The following INPP5J variants were observed in gnomAD, a reference collection of about 807,000 sequenced individuals.
INPP5J encodes the protein phosphatidylinositol 4,5-bisphosphate 5-phosphatase A.
A neutral mutation model predicts 86.6 loss-of-function variants in INPP5J; 75 were observed. The ratio of observed to expected loss-of-function variants is 0.87; its 90% CI spans 0.72 to 1.05. The LOEUF (loss-of-function observed/expected upper bound fraction) is 1.05. INPP5J is among the 50% of genes least tolerant of loss of function. INPP5J has a pLI of 0.00. For synonymous variants in INPP5J, 540 were observed against 550.0 expected (o/e 0.98, Z 0.25); for missense variants, 1,229 against 1,341.2 (o/e 0.92, Z 1.31).
At position 31,133,605 on chromosome 22, in the gene INPP5J, A is replaced by C. The variant is rs1328974736; in HGVS notation, c.2410-5A>C. On this transcript the variant is annotated splice_polypyrimidine_tract_variant and splice_region_variant and intron_variant, in intron 11 of 12. Coordinates refer to ENST00000331075, the MANE Select transcript of INPP5J (RefSeq NM_001284285.2). ...AACTTAGGCTTATACCCCTGGGCCT[A>C]CCAGGTAACATTCAGTGAGGAATCA... The C allele has an allele frequency of 6.2e-7, 1 of 1,608,322 alleles. No homozygotes were observed. Among genetic ancestry groups the C allele is most frequent in the Admixed American group, 1.7e-5 (1 of 59,446 alleles).
At chr22:31,126,143 C>G in intron 2 of INPP5J, 133 bp downstream of exon 2, 1 of 965,610 alleles carries the variant, frequency 1.0e-6, no homozygotes, top group Non-Finnish European at 1.5e-6. Flanking sequence ...GTTGCTGGGC[C>G]CACTCTGTGA....
Position 31,127,494 on chromosome 22 carries a change from G to A in INPP5J, c.1749G>A (p.Gln583=), listed in dbSNP as rs551826181. 159 of 1,613,880 alleles carry A rather than the reference G, an allele frequency of 9.9e-5. No individual in the cohort carries two copies. The highest frequency in any genetic ancestry group is 1.9e-4 in the South Asian group (17 of 91,056). ...TCCAGACCATCCTCAGCCTCCAGCA[G>A]TTCCAAGGGCCGGGCGCACAGGGCA... is the stretch of plus-strand genomic sequence containing the variant. ...DNFQTILSLQ[Q]FQGPGAQGIL... The change falls in exon 6 of 13, where the codon CAG becomes CAA. Residue 583 remains glutamine, a synonymous_variant. Coordinates refer to ENST00000331075, the MANE Select transcript of INPP5J (RefSeq NM_001284285.2).
At chr22:31,126,521 G>A in intron 3 of INPP5J, 32 bp downstream of exon 3, 2 of 1,607,000 alleles carry the variant, frequency 1.2e-6, no homozygotes, top group Non-Finnish European at 1.7e-6. Flanking sequence ...ACCCCCTCCT[G>A]AGCCCCTCGG....
chr22:31,134,005 TGCACCCAAGTCCC>T lies in INPP5J; in HGVS notation c.2611_2623del (p.Pro871AlafsTer92). On this transcript the variant is annotated frameshift_variant, in exon 13 of 13. Coordinates refer to ENST00000331075, the MANE Select transcript of INPP5J (RefSeq NM_001284285.2). LOFTEE classifies it high-confidence loss of function. ...AGGATGACAGCACACTGGAGCTCCT[TGCACCCAAGTCCC>T]GCAGCCCCAGTCCTGGCAAGTCCAA... 1 of 1,611,630 alleles carries T rather than the reference TGCACCCAAGTCCC, an allele frequency of 6.2e-7. No homozygotes were observed. Among genetic ancestry groups the T allele is most frequent in the Non-Finnish European group, 8.5e-7 (1 of 1,179,346 alleles).
In INPP5J at chr22:31,134,212, A is replaced by T; in HGVS notation, c.2814A>T (p.Glu938Asp). Residue 938 changes from glutamate to aspartate, a missense_variant, in exon 13 of 13, where the codon GAA (glutamate) becomes GAT (aspartate). Glu to Asp is a conservative substitution (Grantham distance 45). Transcript: ENST00000331075. ...ATGGCAGCAGCCGGGGCAGTAGTGA[A>T]GAGGGGCCCTCTGGGTTGCCTGGCC... ...SSNGSSRGSS[E>D]EGPSGLPGPW... 4 of 1,550,130 alleles carry T rather than the reference A, an allele frequency of 2.6e-6. No homozygotes were observed. The highest frequency in any genetic ancestry group is 3.5e-6 in the Non-Finnish European group (4 of 1,146,760).
At chr22:31,124,302 T>G in intron 1 of INPP5J, 3 of 987,574 alleles carry the variant, frequency 3.0e-6, no homozygotes, top group Non-Finnish European at 3.6e-6. Flanking sequence ...GGGATTTGGA[T>G]GTTTAGGGGG....
chr22:31,125,285 C>A lies in INPP5J; in HGVS notation c.546C>A (p.Ala182=). Residue 182 remains alanine (A), a synonymous_variant, in exon 2 of 13, where the codon GCC becomes GCA. Coordinates refer to ENST00000331075, the MANE Select transcript of INPP5J (RefSeq NM_001284285.2). ...TGGGACCCAAGCCAACACTGGCAGC[C>A]TCTGGCCTGAGCCTGGCCCTGGCTT... ...ASVGPKPTLA[A]SGLSLALASE... The A allele has an allele frequency of 6.4e-7, 1 of 1,550,580 alleles. No individual in the cohort carries two copies. Among genetic ancestry groups the A allele is most frequent in the East Asian group, 2.4e-5 (1 of 40,910 alleles).
intron 4 of INPP5J, 92 bp from the exon 5 acceptor site, chr22:31,126,827 CGT>C: frequency 7.1e-7 from 1 of 1,412,896 alleles, no homozygotes; most frequent in Non-Finnish European, 1.0e-6. Flanking sequence ...TGGCTGGGTC[CGT>C]GACATGGGTG....
At chr22:31,129,475 G>T (rs996631983) in intron 9 of INPP5J, among the ~76,000 whole-genome samples, 2 of 144,894 alleles carry the variant, frequency 1.4e-5, no homozygotes, top group African/African-American at 5.1e-5. Context: ...GCTGACCTCA[G>T]GTGATCCACC....
Position 31,134,386 on chromosome 22 carries a change from T to G in INPP5J, c.2988T>G (p.His996Gln), listed in dbSNP as rs1922404243. 2 of 1,478,820 alleles carry G rather than the reference T, an allele frequency of 1.4e-6. No homozygotes were observed. The highest frequency in any genetic ancestry group is 1.8e-6 in the Non-Finnish European group (2 of 1,113,068). The allele number at this position is 1,478,820 out of a possible 1,614,324, so 91.6% of individuals were successfully genotyped here. ...GCCTGTCTCCTAGTCCCCAGGGCCA[T>G]CGGGGGCTGGAGGAAGGGGGCCTGG... is the stretch of plus-strand genomic sequence containing the variant. ...PNSLSPSPQGHRGLEEGGLGP is the reference protein window; with the variant it reads ...PNSLSPSPQGQRGLEEGGLGP Residue 996 changes from histidine to glutamine, a missense_variant, in exon 13 of 13, where the codon CAT becomes CAG. By Grantham distance (24) the His-to-Gln change is conservative. Transcript: ENST00000331075.
chr22:31,133,631 C>G lies in INPP5J; in HGVS notation c.2431C>G (p.Leu811Val), dbSNP rs1922296107. 2 of 1,612,250 alleles carry G rather than the reference C, an allele frequency of 1.2e-6. No homozygotes were observed. Among genetic ancestry groups the G allele is most frequent in the African/African-American group, 2.7e-5 (2 of 74,898 alleles). Reference sequence around the variant, plus strand: ...CCAGGTAACATTCAGTGAGGAATCACTGCCCAAGGGCCATGGAGACTTCAT... The same window carrying G: ...CCAGGTAACATTCAGTGAGGAATCAGTGCCCAAGGGCCATGGAGACTTCAT... ...TYQVTFSEESLPKGHGDFILG... is the reference protein window; with the variant it reads ...TYQVTFSEESVPKGHGDFILG... Residue 811 changes from leucine to valine, a missense_variant, in exon 12 of 13, where the codon CTG (leucine) becomes GTG (valine). Transcript: ENST00000331075.
intron 9 of INPP5J, among the ~76,000 whole-genome samples, chr22:31,130,012 G>A (rs544585780): frequency 7.2e-4 from 110 of 151,792 alleles, no homozygotes; most frequent in African/African-American, 2.1e-3. Flanking sequence ...GTTTAAGACC[G>A]GCCTGAGCAA....
At chr22:31,122,855 G>C (rs905517995), upstream of INPP5J, 1 of 514,900 alleles carries the variant, frequency 1.9e-6, no homozygotes, top group African/African-American at 2.0e-5. Flanking sequence ...AGGATTCCCA[G>C]GGGGTAGCCA....
chr22:31,134,292 G>T lies in INPP5J; in HGVS notation c.2894G>T (p.Arg965Leu). ...PRSLGLLPAL[R>L]LETVDPGGGG... ...AGCCTGGGCCTGTTGCCCGCCTTGC[G>T]CCTAGAGACTGTAGACCCTGGTGGT... is the stretch of plus-strand genomic sequence containing the variant. Residue 965 changes from arginine to leucine, a missense_variant, in exon 13 of 13, where the codon CGC (arginine) becomes CTC (leucine). Physicochemically the swap from Arg to Leu is moderately radical, Grantham distance 102 (BLOSUM62 -2). Coordinates refer to ENST00000331075, the MANE Select transcript of INPP5J (RefSeq NM_001284285.2). 1 of 1,555,120 alleles carries T rather than the reference G, an allele frequency of 6.4e-7. No homozygotes were observed. The highest frequency in any genetic ancestry group is 2.4e-5 in the East Asian group (1 of 41,294).
Position 31,122,971 on chromosome 22 carries a change from TGGAGCC to T in INPP5J, c.-37_-32del, listed in dbSNP as rs1338131380. 2.3e-6 allele frequency: 3 copies of T among 1,293,990 alleles called. No individual in the cohort carries two copies. Among genetic ancestry groups the T allele is most frequent in the East Asian group, 3.1e-5 (1 of 31,884 alleles). 80.2% of individuals were successfully genotyped at this position (1,293,990 alleles called of 1,614,324 possible). The stretch of plus-strand genomic sequence containing the variant: ...CACTGGTTCCCGGGAGCGGTAGAGC[TGGAGCC>T]GGAGCCAAGGGAGTCCAGGCTGCCG... On this transcript the variant is annotated 5_prime_UTR_variant, in exon 1 of 13. Coordinates refer to ENST00000331075, the MANE Select transcript of INPP5J (RefSeq NM_001284285.2).
Position 31,123,006 on chromosome 22 carries a change from G to T in INPP5J, c.-9G>T. The T allele has an allele frequency of 1.4e-6, 2 of 1,436,460 alleles. No homozygotes were observed. Among genetic ancestry groups the T allele is most frequent in the East Asian group, 3.0e-5 (1 of 33,284 alleles). The allele number at this position is 1,436,460 out of a possible 1,614,324, so 89.0% of individuals were successfully genotyped here. A position where few individuals can be genotyped will look rare whatever the true frequency, so the allele number is the denominator to read the frequency against. On this transcript the variant is annotated 5_prime_UTR_variant, in exon 1 of 13. Transcript: ENST00000331075. ...GCCAAGGGAGTCCAGGCTGCCGGGG[G>T]CTGCAGACATGGAGGGCCAGAGCAG...
At position 31,123,043 on chromosome 22, in the gene INPP5J, G is replaced by T; in HGVS notation, c.29G>T (p.Arg10Met). MEGQSSRGS[R>M]RPGTRAGLGS... ...GAGGGCCAGAGCAGCAGGGGCAGCAGGAGGCCAGGGACCCGGGCTGGCCTG... is the reference window on the plus strand; with the variant it reads ...GAGGGCCAGAGCAGCAGGGGCAGCATGAGGCCAGGGACCCGGGCTGGCCTG... Residue 10 changes from arginine (R) to methionine (M), a missense_variant, in exon 1 of 13, where the codon AGG becomes ATG. By Grantham distance (91) the Arg-to-Met change is moderately conservative. Transcript: ENST00000331075. 2 of 1,475,440 alleles carry T rather than the reference G, an allele frequency of 1.4e-6. No homozygotes were observed. Among genetic ancestry groups the T allele is most frequent in the East Asian group, 2.9e-5 (1 of 34,402 alleles). The allele number at this position is 1,475,440 out of a possible 1,614,324, so 91.4% of individuals were successfully genotyped here.
intron 5 of INPP5J, 78 bp from the exon 6 acceptor site, chr22:31,127,276 TCTC>T: frequency 1.5e-6 from 2 of 1,325,654 alleles, no homozygotes; most frequent in East Asian, 2.5e-5. Flanking sequence ...TCCACCCACA[TCTC>T]CTCTCTAACC....
In INPP5J at chr22:31,125,828, C is replaced by A. The variant is rs745702174; in HGVS notation, c.1089C>A (p.Pro363=). Residue 363 remains proline, a synonymous_variant, in exon 2 of 13, where the codon CCC becomes CCA. Coordinates refer to ENST00000331075, the MANE Select transcript of INPP5J (RefSeq NM_001284285.2). ...SHSPNRSPCV[P]PAPDMALPRL... The stretch of plus-strand genomic sequence containing the variant: ...CCCCGAATCGCTCTCCCTGTGTTCC[C>A]CCAGCCCCTGACATGGCCCTCCCAA... The A allele has an allele frequency of 1.3e-4, 208 of 1,604,884 alleles. No homozygotes were observed. Among genetic ancestry groups the A allele is most frequent in the Middle Eastern group, 8.2e-4 (5 of 6,074 alleles).
Sources: gnomAD v4.1 joint callset for allele counts (sites outside exome capture counted in the v4.1 genomes callset) on GRCh38, gnomAD v4.1.1 for gene constraint, MANE v1.5 for transcripts, NCBI Gene and HGNC (gene_info 2026-07-23, HGNC 2026-07-21) for gene names.